The following KLHL29 variants were observed in gnomAD, a reference collection of about 807,000 sequenced individuals.
KLHL29 encodes kelch-like protein 29.
KLHL29 carries 21 observed loss-of-function variants against 80.4 expected under a neutral mutation model. The ratio of observed to expected loss-of-function variants is 0.26; its 90% CI spans 0.19 to 0.38. KLHL29 has a LOEUF of 0.38. Among genes scored for constraint, KLHL29 ranks in the 10% least tolerant of loss-of-function variants. KLHL29 has a pLI of 1.00. For synonymous variants in KLHL29, 511 were observed against 526.8 expected, an observed-to-expected ratio of 0.97 and a Z score of 0.41; for missense variants, 867 against 1,223.9, an observed-to-expected ratio of 0.71 and a Z score of 4.35.
intron 5 of KLHL29, among the ~76,000 whole-genome samples, chr2:23,675,384 A>G (rs1670891703): frequency 6.6e-6 from 1 of 151,956 alleles, no homozygotes; most frequent in Non-Finnish European, 1.5e-5. Context: ...TTGGGCTGGG[A>G]TGGGGTCCTG....
At chr2:23,517,340 C>T (rs1290574783) in intron 2 of KLHL29, among the ~76,000 whole-genome samples, 1 of 152,284 alleles carries the variant, frequency 6.6e-6, no homozygotes, top group East Asian at 1.9e-4. Flanking sequence ...GTCAGGAAAT[C>T]GAGACCATCC....
In KLHL29 at chr2:23,457,146, C is replaced by T. The variant is rs561281451; in HGVS notation, c.-153-18414C>T. ...GACTGGAGCTAGAGGCATCTGGTGA[C>T]AGGAACAGGAGGAGGTTAAAGCAAT... On this transcript the variant is annotated intron_variant, in intron 1 of 13. Coordinates refer to ENST00000486442, the MANE Select transcript of KLHL29 (RefSeq NM_052920.2). This position sits in a 1 kb window ranked among gnomAD's most constrained non-coding sequence, Gnocchi z 4.3. Among the ~76,000 whole-genome samples the T allele has an allele frequency of 2.0e-5, 3 of 152,214 alleles. No homozygotes were observed. The highest frequency in any genetic ancestry group is 3.9e-4 in the East Asian group (2 of 5,190).
chr2:23,640,743 G>A (rs62127274), intron 4 of KLHL29, among the ~76,000 whole-genome samples: 3,631 of 152,358 alleles, frequency 0.024, 63 homozygotes, highest in Non-Finnish European at 0.032. Flanking sequence ...TACAGCAATA[G>A]TGCCTGCTGC....
intron 3 of KLHL29, among the ~76,000 whole-genome samples, chr2:23,605,962 G>T (rs1362930233): frequency 6.6e-6 from 1 of 151,918 alleles, no homozygotes; most frequent in Admixed American, 6.5e-5. Flanking sequence ...TAGAGATGGG[G>T]TTTTGCCATG....
In KLHL29 at chr2:23,707,688, G is replaced by A. The variant is rs779949632; in HGVS notation, c.*1024G>A. On this transcript the variant is annotated 3_prime_UTR_variant, in exon 14 of 14. Coordinates refer to ENST00000486442, the MANE Select transcript of KLHL29 (RefSeq NM_052920.2). ...TCCATGAGGTCAAGCTGAGGACCAGGCCAGTGGGAAGGGAAGGAGGGAGAA... is the reference window on the plus strand; with the variant it reads ...TCCATGAGGTCAAGCTGAGGACCAGACCAGTGGGAAGGGAAGGAGGGAGAA... 6.6e-6 allele frequency: 1 copy of A among 152,322 alleles called. No individual in the cohort carries two copies. The highest frequency in any genetic ancestry group is 1.5e-5 in the Non-Finnish European group (1 of 68,148). 9.4% of individuals were successfully genotyped at this position (152,322 alleles called of 1,614,324 possible).
chr2:23,459,313 T>A (rs1271680877), intron 1 of KLHL29, among the ~76,000 whole-genome samples: 1 of 152,088 alleles, frequency 6.6e-6, no homozygotes, highest in East Asian at 1.9e-4. Flanking sequence ...GTAGGTGAGA[T>A]GTACAGATCC....
chr2:23,434,103 C>T (rs1478007763), intron 1 of KLHL29, among the ~76,000 whole-genome samples: 1 of 151,928 alleles, frequency 6.6e-6, no homozygotes, highest in Non-Finnish European at 1.5e-5. Context: ...GGGCGGATCA[C>T]GAGGTCAGGA....
At chr2:23,624,074 C>G (rs1669251787) in intron 3 of KLHL29, among the ~76,000 whole-genome samples, 1 of 152,140 alleles carries the variant, frequency 6.6e-6, no homozygotes, top group African/African-American at 2.4e-5. Flanking sequence ...AGATGTGTCT[C>G]CAGGGAGAAT....
At chr2:23,657,159 T>C (rs963455257) in intron 5 of KLHL29, among the ~76,000 whole-genome samples, 3 of 152,126 alleles carry the variant, frequency 2.0e-5, no homozygotes, top group Admixed American at 2.0e-4. Flanking sequence ...CCCTGCCAGC[T>C]CTTCCTGGGC....
intron 1 of KLHL29, among the ~76,000 whole-genome samples, chr2:23,397,666 G>C (rs1015156216): frequency 2.0e-5 from 3 of 152,242 alleles, no homozygotes; most frequent in African/African-American, 7.2e-5. Flanking sequence ...GGTGGAGGAT[G>C]TGAGACACTG....
chr2:23,431,569 T>C (rs1166364773), intron 1 of KLHL29, among the ~76,000 whole-genome samples: 1 of 151,852 alleles, frequency 6.6e-6, no homozygotes, highest in Non-Finnish European at 1.5e-5. Flanking sequence ...TTATTCTTCA[T>C]TTCAATTTCA....
intron 3 of KLHL29, among the ~76,000 whole-genome samples, chr2:23,570,810 A>G (rs1667699789): frequency 6.6e-6 from 1 of 152,202 alleles, no homozygotes; most frequent in African/African-American, 2.4e-5. Flanking sequence ...TTTTAAAAAC[A>G]TGGATTTGAA....
At chr2:23,426,954 C>T (rs1198059060) in intron 1 of KLHL29, among the ~76,000 whole-genome samples, 1 of 152,212 alleles carries the variant, frequency 6.6e-6, no homozygotes, top group Non-Finnish European at 1.5e-5. Context: ...AAGGCCTTTT[C>T]TTATTCTAAC....
At chr2:23,469,917 G>A (rs1664449245) in intron 1 of KLHL29, among the ~76,000 whole-genome samples, 1 of 151,716 alleles carries the variant, frequency 6.6e-6, no homozygotes. Flanking sequence ...GTATTAACTG[G>A]TAGAGTGAGG....
chr2:23,442,195 A>T (rs1025612763), intron 1 of KLHL29, among the ~76,000 whole-genome samples: 9 of 152,164 alleles, frequency 5.9e-5, no homozygotes, highest in Admixed American at 4.6e-4. Flanking sequence ...GGCTCAAGCA[A>T]TCCTCCCACC....
chr2:23,511,206 G>A (rs1665763427), intron 2 of KLHL29, among the ~76,000 whole-genome samples: 1 of 152,104 alleles, frequency 6.6e-6, no homozygotes, highest in Non-Finnish European at 1.5e-5. Context: ...TTAGGAGTGT[G>A]GCCCAGGATT....
chr2:23,599,693 G>A (rs1453623043), intron 3 of KLHL29, among the ~76,000 whole-genome samples: 2 of 152,080 alleles, frequency 1.3e-5, no homozygotes, highest in African/African-American at 4.8e-5. Flanking sequence ...TGAAGATATT[G>A]GCACTCAATA....
chr2:23,663,432 C>T (rs1385463973), intron 5 of KLHL29, among the ~76,000 whole-genome samples: 3 of 152,242 alleles, frequency 2.0e-5, no homozygotes, highest in South Asian at 2.1e-4. Context: ...GCGGCTCCGC[C>T]GTCACGTGTG....
intron 1 of KLHL29, among the ~76,000 whole-genome samples, chr2:23,405,102 A>AG (rs1235887731): frequency 6.6e-6 from 1 of 152,264 alleles, no homozygotes; most frequent in Non-Finnish European, 1.5e-5. Context: ...AAATGTTATA[A>AG]GGAAAAATAA....
Sources: allele counts gnomAD v4.1 joint callset (sites outside exome capture counted in the v4.1 genomes callset), GRCh38; gene constraint gnomAD v4.1.1; non-coding constraint Gnocchi (gnomAD v3.1); transcripts MANE v1.5; gene names NCBI Gene and HGNC (gene_info 2026-07-23, HGNC 2026-07-21).